Variants in SAMD5 observed in about 807,000 individuals in gnomAD.
The protein encoded by SAMD5 is sterile alpha motif domain-containing protein 5.
In SAMD5, 13 loss-of-function variants were observed where a neutral mutation model predicts 11.3. The ratio of observed to expected loss-of-function variants is 1.15; its 90% CI spans 0.75 to 1.83. The LOEUF is 1.83. SAMD5 is among the 40% of genes most tolerant of loss of function. The pLI is 0.00. For missense variants in SAMD5, 255 were observed against 239.1 expected, an observed-to-expected ratio of 1.07 and a Z score of -0.44; for synonymous variants, 129 against 111.3, an observed-to-expected ratio of 1.16 and a Z score of -1.00.
the SAMD5 span, among the ~76,000 whole-genome samples, chr6:147,949,718 A>G: frequency 2.0e-5 from 3 of 152,216 alleles, no homozygotes; most frequent in Non-Finnish European, 2.9e-5. Context: ...AAAAGCAACT[A>G]TATGATTATA....
intron 1 of SAMD5, among the ~76,000 whole-genome samples, chr6:147,557,363 G>T (rs1231335001): frequency 6.6e-6 from 1 of 152,198 alleles, no homozygotes; most frequent in African/African-American, 2.4e-5. Flanking sequence ...CCAACTGTGT[G>T]TTAAAACAAC....
chr6:147,664,864 AT>A (rs1265863726), intron 1 of SAMD5, among the ~76,000 whole-genome samples: 1 of 152,178 alleles, frequency 6.6e-6, no homozygotes, highest in Non-Finnish European at 1.5e-5. Flanking sequence ...TGGTAGAATT[AT>A]ATTGTGTTGC....
intron 1 of SAMD5, among the ~76,000 whole-genome samples, chr6:147,728,478 A>G (rs181286485): frequency 6.6e-5 from 10 of 152,330 alleles, no homozygotes; most frequent in Admixed American, 5.2e-4. Flanking sequence ...AATGAAGCAC[A>G]GCAAAAACCT....
the SAMD5 span, among the ~76,000 whole-genome samples, chr6:147,745,893 C>A: frequency 1.3e-5 from 2 of 151,796 alleles, no homozygotes; most frequent in Non-Finnish European, 2.9e-5. Flanking sequence ...AGGCATGCAC[C>A]ACCACGCCTG....
chr6:147,704,653 A>C (rs1280860467), intron 1 of SAMD5, among the ~76,000 whole-genome samples: 1 of 152,192 alleles, frequency 6.6e-6, no homozygotes, highest in Admixed American at 6.5e-5. Flanking sequence ...CTTGGAAGAA[A>C]GATAACCAGA....
At chr6:147,926,923 A>G in the SAMD5 span, among the ~76,000 whole-genome samples, 2 of 152,078 alleles carry the variant, frequency 1.3e-5, no homozygotes, top group Non-Finnish European at 2.9e-5. Context: ...CATTTATTGA[A>G]CAGTGCTGTA....
intron 1 of SAMD5, among the ~76,000 whole-genome samples, chr6:147,588,817 A>C (rs1330740887): frequency 6.6e-6 from 1 of 152,044 alleles, no homozygotes; most frequent in African/African-American, 2.4e-5. Context: ...TTCCCCATCC[A>C]TCTTTTTACT....
the SAMD5 span, among the ~76,000 whole-genome samples, chr6:147,900,436 T>G: frequency 0.18 from 26,672 of 152,124 alleles, 2,660 homozygotes; most frequent in Non-Finnish European, 0.23. Context: ...CGCAAAAGTG[T>G]GCACACAGGT....
chr6:147,531,070 G>A (rs1271106644), intron 1 of SAMD5, among the ~76,000 whole-genome samples: 1 of 151,844 alleles, frequency 6.6e-6, no homozygotes, highest in African/African-American at 2.4e-5. Context: ...TGGCTGAAGA[G>A]GTCTATATAA....
At chr6:147,818,205 GTGGATGGTCA>G in the SAMD5 span, among the ~76,000 whole-genome samples, 1 of 152,202 alleles carries the variant, frequency 6.6e-6, no homozygotes, top group Non-Finnish European at 1.5e-5. Context: ...GGGACTTCCA[GTGGATGGTCA>G]TGCCATATAG....
At chr6:147,600,395 C>G (rs768169819) in intron 1 of SAMD5, among the ~76,000 whole-genome samples, 4 of 152,112 alleles carry the variant, frequency 2.6e-5, no homozygotes, top group Non-Finnish European at 5.9e-5. Flanking sequence ...TTTGATGTTT[C>G]TTCTTGGCTT....
chr6:147,934,746 T>A, the SAMD5 span, among the ~76,000 whole-genome samples: 4 of 152,018 alleles, frequency 2.6e-5, no homozygotes, highest in Non-Finnish European at 5.9e-5. Flanking sequence ...CAGGCTCTCA[T>A]GGGGATTGTG....
intron 1 of SAMD5, among the ~76,000 whole-genome samples, chr6:147,593,230 G>A (rs1301291388): frequency 1.3e-5 from 2 of 152,092 alleles, no homozygotes; most frequent in Admixed American, 6.5e-5. Context: ...GAAAATAAAC[G>A]GCTTTATAGT....
the SAMD5 span, among the ~76,000 whole-genome samples, chr6:147,866,164 G>A: frequency 1.3e-4 from 19 of 151,960 alleles, no homozygotes; most frequent in South Asian, 2.1e-4. Flanking sequence ...ACCAGGGTGT[G>A]TATCATACAC....
the SAMD5 span, among the ~76,000 whole-genome samples, chr6:147,885,284 G>A: frequency 6.6e-6 from 1 of 152,076 alleles, no homozygotes; most frequent in African/African-American, 2.4e-5. Flanking sequence ...CATAGCAATA[G>A]CAAGACCTCA....
chr6:147,900,885 CT>C, the SAMD5 span, among the ~76,000 whole-genome samples: 23 of 152,036 alleles, frequency 1.5e-4, 1 homozygote, highest in Middle Eastern at 0.01. Flanking sequence ...CTCGTTTTTT[CT>C]ATTATAAAAC....
At chr6:147,636,535 T>C (rs1478506954) in intron 1 of SAMD5, among the ~76,000 whole-genome samples, 1 of 152,196 alleles carries the variant, frequency 6.6e-6, no homozygotes, top group Non-Finnish European at 1.5e-5. Flanking sequence ...TCATATCACC[T>C]AGCCTGGATT....
At chr6:147,542,364 A>G (rs1049302029) in intron 1 of SAMD5, among the ~76,000 whole-genome samples, 1 of 152,166 alleles carries the variant, frequency 6.6e-6, no homozygotes, top group Non-Finnish European at 1.5e-5. Flanking sequence ...CACCTTGCGC[A>G]CTACCTGGAC....
chr6:147,801,887 T>G, the SAMD5 span, among the ~76,000 whole-genome samples: 1 of 152,180 alleles, frequency 6.6e-6, no homozygotes, highest in Non-Finnish European at 1.5e-5. Flanking sequence ...CCTTGACCCC[T>G]ATTTCACACT....
Sources: gnomAD v4.1 joint callset for allele counts (sites outside exome capture counted in the v4.1 genomes callset) on GRCh38, gnomAD v4.1.1 for gene constraint, MANE v1.5 for transcripts, NCBI Gene and HGNC (gene_info 2026-07-23, HGNC 2026-07-21) for gene names.